RGS7: variants seen among roughly 807,000 people sequenced by gnomAD.
RGS7 encodes regulator of G protein signaling 7.
Under a neutral mutation model 81.1 loss-of-function variants are expected in RGS7, and 27 were observed. That is an observed-to-expected ratio of 0.33 (90% CI 0.25 to 0.46). The LOEUF is 0.46. RGS7 is among the 20% of genes least tolerant of loss of function. The pLI, the probability that RGS7 is intolerant of heterozygous loss-of-function variation, is 1.00. For missense variants in RGS7, 396 were observed against 607.4 expected (o/e 0.65, Z 3.66); for synonymous variants, 208 against 207.7 (o/e 1.00, Z -0.01).
chr1:241,098,711 G>A lies in RGS7; in HGVS notation c.130C>T (p.Arg44Cys), dbSNP rs755007339. 8.1e-6 allele frequency: 13 copies of A among 1,613,438 alleles called. No individual in the cohort carries two copies. Among genetic ancestry groups the A allele is most frequent in the African/African-American group, 1.3e-5 (1 of 74,888 alleles). ...MQDEKNGIPI[R>C]TVKSFLSKIP... ...TTGGAAAGAAAGCTTTTGACCGTAC[G>A]AATAGGAATTCCATTTTTTTCATCT... The change falls in exon 3 of 19, where the codon CGT (arginine) becomes TGT (cysteine). Residue 44 changes from arginine to cysteine, a missense_variant. By Grantham distance (180) the Arg-to-Cys change is radical. Coordinates refer to ENST00000440928, the MANE Select transcript of RGS7 (RefSeq NM_001364886.1).
intron 2 of RGS7, among the ~76,000 whole-genome samples, chr1:241,301,102 A>G (rs2148499626): frequency 6.6e-6 from 1 of 152,336 alleles, no homozygotes; most frequent in African/African-American, 2.4e-5. Flanking sequence ...ATCTTGCACA[A>G]CAGAATAAAA....
At chr1:241,102,173 T>C (rs1276849264) in intron 2 of RGS7, among the ~76,000 whole-genome samples, 1 of 152,146 alleles carries the variant, frequency 6.6e-6, no homozygotes, top group African/African-American at 2.4e-5. Flanking sequence ...AACCTTCTCA[T>C]GGCCTAGAAT....
At chr1:240,907,386 A>G (rs900011740) in intron 6 of RGS7, among the ~76,000 whole-genome samples, 2 of 152,036 alleles carry the variant, frequency 1.3e-5, no homozygotes, top group African/African-American at 4.8e-5. Context: ...TAAATACTAA[A>G]TAGTATTAGT....
At chr1:241,220,033 C>A (rs1379441711) in intron 2 of RGS7, among the ~76,000 whole-genome samples, 1 of 152,170 alleles carries the variant, frequency 6.6e-6, no homozygotes, top group South Asian at 2.1e-4. Flanking sequence ...TAATCTCTAA[C>A]CTAATTTGTA....
chr1:241,160,032 C>T (rs1165915940), intron 2 of RGS7, among the ~76,000 whole-genome samples: 2 of 149,440 alleles, frequency 1.3e-5, no homozygotes, highest in Admixed American at 6.7e-5. Context: ...GGGTTTTAAT[C>T]CCTGGGAGGT....
intron 4 of RGS7, among the ~76,000 whole-genome samples, chr1:240,954,586 C>G (rs1054067413): frequency 6.6e-6 from 1 of 151,720 alleles, no homozygotes; most frequent in Admixed American, 6.6e-5. Context: ...AATCTAGGAT[C>G]AGAGGAGAAC....
chr1:241,218,669 G>A (rs1414176183), intron 2 of RGS7, among the ~76,000 whole-genome samples: 1 of 152,102 alleles, frequency 6.6e-6, no homozygotes, highest in Non-Finnish European at 1.5e-5. Context: ...TTTTGAGACG[G>A]AGTCTCACAC....
intron 3 of RGS7, among the ~76,000 whole-genome samples, chr1:241,048,165 G>C: frequency 6.6e-6 from 1 of 152,118 alleles, no homozygotes; most frequent in East Asian, 1.9e-4. Context: ...CAGGAGGAAA[G>C]TGTCCCTGTG....
chr1:240,935,677 A>AG (rs1676499371), intron 5 of RGS7, among the ~76,000 whole-genome samples: 1 of 152,222 alleles, frequency 6.6e-6, no homozygotes, highest in Non-Finnish European at 1.5e-5. Flanking sequence ...TGATTTTTAA[A>AG]GCATATTTCC....
intron 2 of RGS7, among the ~76,000 whole-genome samples, chr1:241,227,954 C>T (rs2075417620): frequency 6.6e-6 from 1 of 152,174 alleles, no homozygotes; most frequent in South Asian, 2.1e-4. Flanking sequence ...AAGAAGGGAA[C>T]TCTAACTTGC....
At chr1:241,176,091 C>T (rs1434343052) in intron 2 of RGS7, among the ~76,000 whole-genome samples, 1 of 152,168 alleles carries the variant, frequency 6.6e-6, no homozygotes, top group Non-Finnish European at 1.5e-5. Flanking sequence ...ATGATGAACA[C>T]TTAAGTCAAC....
At chr1:241,242,396 T>C (rs1007437728) in intron 2 of RGS7, among the ~76,000 whole-genome samples, 1 of 152,180 alleles carries the variant, frequency 6.6e-6, no homozygotes, top group Non-Finnish European at 1.5e-5. Flanking sequence ...TTTGGGTTGG[T>C]TCCACATTTT....
At chr1:240,989,536 A>T (rs1018076462) in intron 3 of RGS7, among the ~76,000 whole-genome samples, 3 of 151,970 alleles carry the variant, frequency 2.0e-5, no homozygotes, top group Non-Finnish European at 4.4e-5. Context: ...ATGACTACCA[A>T]TGCCAAAATC....
chr1:240,789,278 T>C (rs561470305), intron 18 of RGS7, among the ~76,000 whole-genome samples: 69 of 152,300 alleles, frequency 4.5e-4, no homozygotes, highest in African/African-American at 1.6e-3. Context: ...CTGAGGAGGA[T>C]GTATGTCGCC....
rs145064849 is a variant in RGS7, at chr1:241,240,727, A to G, written c.78+114972T>C. 4.7e-3 allele frequency among the ~76,000 whole-genome samples: 719 copies of G among 152,360 alleles called. 8 individuals are homozygous for G. Among genetic ancestry groups the G allele is most frequent in the Non-Finnish European group, 8.2e-3 (559 of 68,036 alleles). On this transcript the variant is annotated intron_variant, in intron 2 of 18. Coordinates refer to ENST00000440928, the MANE Select transcript of RGS7 (RefSeq NM_001364886.1). Reference sequence around the variant, plus strand: ...AAATTATTACATCATAATGTTAATCATAACATGGAGCAATTAAACTACAGT... The same window carrying G: ...AAATTATTACATCATAATGTTAATCGTAACATGGAGCAATTAAACTACAGT...
chr1:240,813,101 T>G (rs1690165802), intron 13 of RGS7, among the ~76,000 whole-genome samples: 1 of 152,208 alleles, frequency 6.6e-6, no homozygotes, highest in Non-Finnish European at 1.5e-5. Flanking sequence ...TGTAGTTCTT[T>G]CCCTAGATAG....
chr1:241,010,613 A>G (rs2058910464), intron 3 of RGS7, among the ~76,000 whole-genome samples: 1 of 152,370 alleles, frequency 6.6e-6, no homozygotes, highest in South Asian at 2.1e-4. Context: ...GAGAAATTAA[A>G]TTAAAGTCCA....
intron 10 of RGS7, among the ~76,000 whole-genome samples, chr1:240,819,466 C>A (rs964104515): frequency 5.1e-4 from 78 of 152,270 alleles, no homozygotes; most frequent in African/African-American, 1.8e-3. Context: ...CGAGGCCGGG[C>A]GTGGTGGCTC....
intron 2 of RGS7, among the ~76,000 whole-genome samples, chr1:241,319,602 G>A (rs990088010): frequency 2.0e-5 from 3 of 151,924 alleles, no homozygotes; most frequent in Middle Eastern, 3.2e-3. Context: ...ATAGTTCACC[G>A]TAACGTCAAA....
Sources: allele counts gnomAD v4.1 joint callset (sites outside exome capture counted in the v4.1 genomes callset), GRCh38; gene constraint gnomAD v4.1.1; transcripts MANE v1.5; gene names NCBI Gene and HGNC (gene_info 2026-07-23, HGNC 2026-07-21).